Variants in PGM3 observed in about 807,000 individuals in gnomAD.
PGM3 encodes phosphoglucomutase 3, also known as phosphoacetylglucosamine mutase.
In PGM3, 40 loss-of-function variants were observed where a neutral mutation model predicts 66.2. That is an observed-to-expected ratio of 0.60 (90% confidence interval 0.47 to 0.79). PGM3 has a LOEUF of 0.79. Among genes scored for constraint, PGM3 ranks in the 30% least tolerant of loss-of-function variants. PGM3 has a pLI of 0.00. For missense variants in PGM3, 537 were observed against 643.4 expected (o/e 0.83, Z 1.79); for synonymous variants, 191 against 224.2 (o/e 0.85, Z 1.32).
At chr6:83,175,412 A>T (rs1309495268) in intron 9 of PGM3, among the ~76,000 whole-genome samples, 1 of 152,212 alleles carries the variant, frequency 6.6e-6, no homozygotes, top group Non-Finnish European at 1.5e-5. Flanking sequence ...TTTGATTCAA[A>T]TGTTCTGATA....
At chr6:83,149,348 GTCTC>G in the PGM3 span, among the ~76,000 whole-genome samples, 1 of 152,170 alleles carries the variant, frequency 6.6e-6, no homozygotes, top group Admixed American at 6.6e-5. Context: ...GTCATAGTCA[GTCTC>G]TCTTTCTTGC....
the PGM3 span, among the ~76,000 whole-genome samples, chr6:83,154,616 G>A: frequency 6.6e-6 from 1 of 152,168 alleles, no homozygotes; most frequent in Non-Finnish European, 1.5e-5. Flanking sequence ...AGATGGTGAA[G>A]TGCAAAAGGC....
intron 10 of PGM3, among the ~76,000 whole-genome samples, chr6:83,172,981 TTG>T (rs1354295204): frequency 6.6e-6 from 1 of 152,198 alleles, no homozygotes; most frequent in East Asian, 1.9e-4. Flanking sequence ...GACACAAACT[TTG>T]TTTCATGCAC....
At chr6:83,157,482 C>G (rs746686378), downstream of PGM3, among the ~76,000 whole-genome samples, 5 of 152,184 alleles carry the variant, frequency 3.3e-5, no homozygotes, top group Non-Finnish European at 7.3e-5. Flanking sequence ...AAGTCAGATT[C>G]CATTTCCATA....
intron 11 of PGM3, 115 bp from the exon 12 acceptor site, chr6:83,170,593 T>G (rs1786886636): frequency 2.5e-6 from 2 of 811,100 alleles, no homozygotes; most frequent in Non-Finnish European, 2.0e-6. Context: ...ACATTAAAAC[T>G]TCTTTCTCCA....
the PGM3 span, among the ~76,000 whole-genome samples, chr6:83,149,348 G>A: frequency 6.6e-6 from 1 of 152,170 alleles, no homozygotes; most frequent in Non-Finnish European, 1.5e-5. Flanking sequence ...GTCATAGTCA[G>A]TCTCTCTTTC....
At chr6:83,185,692 G>C (rs1788530143) in intron 4 of PGM3, among the ~76,000 whole-genome samples, 1 of 152,170 alleles carries the variant, frequency 6.6e-6, no homozygotes, top group Non-Finnish European at 1.5e-5. Context: ...CAGGGAGTCA[G>C]AAGTTGCAGT....
At chr6:83,153,669 G>A in the PGM3 span, 4 of 1,436,410 alleles carry the variant, frequency 2.8e-6, no homozygotes, top group Non-Finnish European at 2.8e-6. Context: ...TAGCCTGTTA[G>A]AAACAAGTTC....
chr6:83,149,107 T>TA, the PGM3 span, among the ~76,000 whole-genome samples: 3 of 152,224 alleles, frequency 2.0e-5, no homozygotes, highest in Non-Finnish European at 2.9e-5. Flanking sequence ...ATAAAACTGT[T>TA]ACAACAGTAG....
At position 83,167,785 on chromosome 6, in the gene PGM3, G is replaced by A; in HGVS notation, c.*1449C>T. ...ATTCATTTCTTGACCAATTGCCAAAGTTTATATATTTTTAATTTTTCTAAC... is the reference window on the plus strand; with the variant it reads ...ATTCATTTCTTGACCAATTGCCAAAATTTATATATTTTTAATTTTTCTAAC... On this transcript the variant is annotated 3_prime_UTR_variant, in exon 13 of 13. Transcript: ENST00000513973. 6.8e-7 allele frequency: 1 copy of A among 1,470,340 alleles called. No homozygotes were observed. The highest frequency in any genetic ancestry group is 1.5e-5 in the South Asian group (1 of 68,666). The allele number at this position is 1,470,340 out of a possible 1,614,324, so 91.1% of individuals were successfully genotyped here. A position where few individuals can be genotyped will look rare whatever the true frequency, so the allele number is the denominator to read the frequency against.
intron 8 of PGM3, among the ~76,000 whole-genome samples, 173 bp downstream of exon 8, chr6:83,178,500 C>T (rs1787938118): frequency 6.6e-6 from 1 of 152,160 alleles, no homozygotes; most frequent in Admixed American, 6.5e-5. Flanking sequence ...AGAAGTTTTC[C>T]TTTATTCATC....
chr6:83,168,313 CA>C lies in PGM3; in HGVS notation c.*920del. 3 of 1,425,308 alleles carry C rather than the reference CA, an allele frequency of 2.1e-6. No individual in the cohort carries two copies. The highest frequency in any genetic ancestry group is 2.7e-6 in the Non-Finnish European group (3 of 1,096,008). The allele number at this position is 1,425,308 out of a possible 1,614,324, so 88.3% of individuals were successfully genotyped here. A position where few individuals can be genotyped will look rare whatever the true frequency, so the allele number is the denominator to read the frequency against. ...TAATTTAAATATTTGTATATAAGAG[CA>C]AATGTCTGAATGTGGCCTGAATCAA... On this transcript the variant is annotated 3_prime_UTR_variant, in exon 13 of 13. Coordinates refer to ENST00000513973, the MANE Select transcript of PGM3 (RefSeq NM_015599.3).
intron 12 of PGM3, 80 bp from the exon 13 acceptor site, chr6:83,169,403 T>A: frequency 6.5e-7 from 1 of 1,533,154 alleles, no homozygotes; most frequent in Non-Finnish European, 8.9e-7. Flanking sequence ...TACTTGGAAC[T>A]CTGGGGAAGA....
In PGM3 at chr6:83,182,922, C is replaced by A; in HGVS notation, c.514G>T (p.Gly172Cys). 1 of 1,613,910 alleles carries A rather than the reference C, an allele frequency of 6.2e-7. No individual in the cohort carries two copies. Among genetic ancestry groups the A allele is most frequent in the South Asian group, 1.1e-5 (1 of 91,076 alleles). Residue 172 changes from glycine (G) to cysteine (C), a missense_variant, in exon 5 of 13, where the codon GGT becomes TGT. Physicochemically the swap from Gly to Cys is radical, Grantham distance 159. Transcript: ENST00000513973. ...LHYMVYCRNT[G>C]GRYGKATIEG... is the part of the protein sequence containing the mutation. Reference sequence around the variant, plus strand: ...ATAGTTGCCTTTCCATATCGGCCACCCGTGTTTCGACAATACACCATGTAG... The same window carrying A: ...ATAGTTGCCTTTCCATATCGGCCACACGTGTTTCGACAATACACCATGTAG...
the PGM3 span, among the ~76,000 whole-genome samples, chr6:83,154,896 T>C: frequency 6.6e-6 from 1 of 152,190 alleles, no homozygotes; most frequent in Non-Finnish European, 1.5e-5. Context: ...AAAGCTACAG[T>C]TTTCTCATTT....
At chr6:83,164,539 TAAG>T (rs1784984922), downstream of PGM3, 6 of 956,190 alleles carry the variant, frequency 6.3e-6, no homozygotes, top group Non-Finnish European at 9.8e-6. Context: ...TCCCACAGAA[TAAG>T]AAAACTATTT....
Position 83,167,856 on chromosome 6 carries a change from CT to C in PGM3, c.*1377del, listed in dbSNP as rs1270497104. On this transcript the variant is annotated 3_prime_UTR_variant, in exon 13 of 13. Transcript: ENST00000513973. ...TTAATACCAGTTCACTTTTTGTTTT[CT>C]GCAGAAAAATCCAGAGGAAGACAAC... The C allele has an allele frequency of 6.3e-7, 1 of 1,590,974 alleles. No individual in the cohort carries two copies. The highest frequency in any genetic ancestry group is 1.8e-5 in the Admixed American group (1 of 55,300).
At chr6:83,151,702 C>T in the PGM3 span, 1 of 1,547,286 alleles carries the variant, frequency 6.5e-7, no homozygotes, top group East Asian at 2.3e-5. Flanking sequence ...TTTCTCAGTG[C>T]CCTCAATTTG....
the PGM3 span, among the ~76,000 whole-genome samples, chr6:83,150,016 G>A: frequency 6.6e-6 from 1 of 152,208 alleles, no homozygotes; most frequent in Non-Finnish European, 1.5e-5. Flanking sequence ...CAGCACAGAT[G>A]TGTTAACAGC....
Sources: gnomAD v4.1 joint callset for allele counts (sites outside exome capture counted in the v4.1 genomes callset) on GRCh38, gnomAD v4.1.1 for gene constraint, MANE v1.5 for transcripts, NCBI Gene and HGNC (gene_info 2026-07-23, HGNC 2026-07-21) for gene names.